TFEB: variants seen among roughly 807,000 people sequenced by gnomAD.
TFEB encodes the protein T-cell transcription factor EB.
TFEB carries 12 observed loss-of-function variants against 48.0 expected under a neutral mutation model. The ratio of observed to expected loss-of-function variants is 0.25; its 90% confidence interval spans 0.16 to 0.40. The LOEUF is 0.40. Among genes scored for constraint, TFEB ranks in the 10% least tolerant of loss-of-function variants. The probability of loss-of-function intolerance (pLI) is 1.00; values close to 1 mark genes in which losing one functional copy is unlikely to be tolerated. For missense variants in TFEB, 509 were observed against 640.3 expected, an observed-to-expected ratio of 0.79 and a Z score of 2.21; for synonymous variants, 244 against 261.4, an observed-to-expected ratio of 0.93 and a Z score of 0.64.
In TFEB at chr6:41,686,660, C is replaced by T. The variant is rs190431218; in HGVS notation, c.804-423G>A. The T allele has an allele frequency of 1.2e-3, 288 of 249,382 alleles. 1 individual carries two copies. The highest frequency in any genetic ancestry group is 5.9e-3 in the African/African-American group (270 of 45,400). 15.4% of individuals were successfully genotyped at this position (249,382 alleles called of 1,614,324 possible). ...CCTCCCTAGTAGCTGGCACTGTAGG[C>T]ACACACCACTGTGCCCAGCTAAGTT... On this transcript the variant is annotated intron_variant, in intron 7 of 8. Transcript: ENST00000373033.
At chr6:41,702,348 G>A (rs1289749984) in intron 1 of TFEB, among the ~76,000 whole-genome samples, 3 of 152,214 alleles carry the variant, frequency 2.0e-5, no homozygotes, top group Non-Finnish European at 4.4e-5. Context: ...GGGGCGGAAG[G>A]GGAGGCTATA....
In TFEB at chr6:41,691,106, CTGCTGCATGTAATGCATGACAGCCTGT is replaced by C; in HGVS notation, c.81_107del (p.Ala29_Gln37del). On this transcript the variant is annotated inframe_deletion, in exon 2 of 9. Coordinates refer to ENST00000373033, the MANE Select transcript of TFEB (RefSeq NM_001271944.2). The surrounding 1 kb of genome is among the most constrained non-coding windows in gnomAD (Gnocchi z 5.2). ...GCTGCTGCTGTTGCTGCTGCTGCTG[CTGCTGCATGTAATGCATGACAGCCTGT>C]TGCTGCATGCGCTCCCGCTGCTCCT... is the stretch of plus-strand genomic sequence containing the variant. The C allele has an allele frequency of 6.3e-7, 1 of 1,581,870 alleles. No individual in the cohort carries two copies. The highest frequency in any genetic ancestry group is 8.6e-7 in the Non-Finnish European group (1 of 1,162,630).
At chr6:41,690,587 G>T (rs891078077) in intron 3 of TFEB, 76 bp downstream of exon 3, 16 of 1,433,480 alleles carry the variant, frequency 1.1e-5, no homozygotes, top group African/African-American at 4.3e-5. Context: ...TCTGCCATTA[G>T]ACTGGGAGTC....
intron 1 of TFEB, among the ~76,000 whole-genome samples, chr6:41,706,232 C>G (rs1034413553): frequency 1.3e-5 from 2 of 152,214 alleles, no homozygotes; most frequent in African/African-American, 4.8e-5. Context: ...AAGTGCCAGA[C>G]AGCTGGAGGG....
chr6:41,719,186 G>C (rs970390792), intron 1 of TFEB, among the ~76,000 whole-genome samples: 1 of 152,146 alleles, frequency 6.6e-6, no homozygotes. Flanking sequence ...TCTAATGCCT[G>C]ATGACCTGTC....
intron 1 of TFEB, among the ~76,000 whole-genome samples, chr6:41,726,603 G>T (rs1771223505): frequency 6.6e-6 from 1 of 152,054 alleles, no homozygotes; most frequent in Non-Finnish European, 1.5e-5. Context: ...ACAACACCTG[G>T]ATAATTTTTG....
chr6:41,718,582 G>A (rs373098211), intron 1 of TFEB, among the ~76,000 whole-genome samples: 5 of 151,864 alleles, frequency 3.3e-5, no homozygotes, highest in South Asian at 4.2e-4. Context: ...TCACCATGCC[G>A]TACAATACAT....
rs376262384 is a variant in TFEB at position 41,709,175 on chromosome 6, G to A, written c.-22-17940C>T. ...TTCAATAACACAGCTATTATGTTCC[G>A]CACTTAGAACTAGGCACTGGTGACA... is the stretch of plus-strand genomic sequence containing the variant. On this transcript the variant is annotated intron_variant, in intron 1 of 8. Transcript: ENST00000373033. Among the ~76,000 whole-genome samples, 10 of 152,162 alleles carry A rather than the reference G, an allele frequency of 6.6e-5. No individual in the cohort carries two copies. In the East Asian group the frequency reaches 7.7e-4, roughly 12 times the overall value.
Position 41,685,037 on chromosome 6 carries a change from G to A in TFEB, c.993C>T (p.Thr331=), listed in dbSNP as rs1231321671. 6.7e-7 allele frequency: 1 copy of A among 1,486,074 alleles called. No homozygotes were observed. The highest frequency in any genetic ancestry group is 1.4e-5 in the South Asian group (1 of 71,384). 92.1% of individuals were successfully genotyped at this position (1,486,074 alleles called of 1,614,324 possible). A position where few individuals can be genotyped will look rare whatever the true frequency, so the allele number is the denominator to read the frequency against. The change falls in exon 9 of 9, where the codon ACC becomes ACT. Residue 331 remains threonine (T), a synonymous_variant. Coordinates refer to ENST00000373033, the MANE Select transcript of TFEB (RefSeq NM_001271944.2). The part of the protein sequence containing the change: ...MQARVHGLPT[T]SPSGMNMAEL... ...CAGCCATGTTCATGCCGGACGGGGAGGTGGTAGGGAGGCCGTGCACTCGAG... is the reference window on the plus strand; with the variant it reads ...CAGCCATGTTCATGCCGGACGGGGAAGTGGTAGGGAGGCCGTGCACTCGAG...
chr6:41,707,925 G>C (rs1400168201), intron 1 of TFEB, among the ~76,000 whole-genome samples: 3 of 152,210 alleles, frequency 2.0e-5, no homozygotes, highest in Admixed American at 2.0e-4. Context: ...AAGGAAGTCA[G>C]AAAAACCACT....
At chr6:41,706,264 G>A (rs1257265065) in intron 1 of TFEB, among the ~76,000 whole-genome samples, 1 of 152,226 alleles carries the variant, frequency 6.6e-6, no homozygotes, top group Non-Finnish European at 1.5e-5. Context: ...TGAGAGCAGG[G>A]AGGTGGGGGG....
chr6:41,705,281 C>A (rs1185530927), intron 1 of TFEB, among the ~76,000 whole-genome samples: 1 of 152,182 alleles, frequency 6.6e-6, no homozygotes, highest in Non-Finnish European at 1.5e-5. Context: ...CTGCCTAAAC[C>A]CCAGCTCCAT....
Position 41,723,577 on chromosome 6 carries a change from C to T in TFEB, c.-23+11773G>A, listed in dbSNP as rs917418722. The T allele has an allele frequency of 1.4e-5, 17 of 1,247,182 alleles. No individual in the cohort carries two copies. The highest frequency in any genetic ancestry group is 2.2e-4 in the Middle Eastern group (1 of 4,472). 77.3% of individuals were successfully genotyped at this position (1,247,182 alleles called of 1,614,324 possible). A position where few individuals can be genotyped will look rare whatever the true frequency, so the allele number is the denominator to read the frequency against. On this transcript the variant is annotated intron_variant, in intron 1 of 8. Coordinates refer to ENST00000373033, the MANE Select transcript of TFEB (RefSeq NM_001271944.2). The surrounding 1 kb of genome is among the most constrained non-coding windows in gnomAD (Gnocchi z 6.0). The stretch of plus-strand genomic sequence containing the variant: ...GGGCTCAGTTTCCTCATTTCCCCGG[C>T]GGCTGCTGTTTCTCACCCAGCCCCC...
At chr6:41,704,774 G>A (rs1009636029) in intron 1 of TFEB, among the ~76,000 whole-genome samples, 5 of 152,234 alleles carry the variant, frequency 3.3e-5, no homozygotes, top group Admixed American at 3.3e-4. Flanking sequence ...CCTGGTGGAA[G>A]CACAGAGCTA....
chr6:41,712,226 C>T (rs1770513661), intron 1 of TFEB, among the ~76,000 whole-genome samples: 1 of 152,198 alleles, frequency 6.6e-6, no homozygotes, highest in Admixed American at 6.5e-5. Context: ...GCACACAGGA[C>T]TCCAAATCCT....
chr6:41,711,586 T>G (rs1248973885), intron 1 of TFEB, among the ~76,000 whole-genome samples: 1 of 152,142 alleles, frequency 6.6e-6, no homozygotes. Context: ...CCTGTCCCTT[T>G]GCTAAGAGCG....
chr6:41,694,058 C>A (rs570160845), intron 1 of TFEB, among the ~76,000 whole-genome samples: 1 of 152,074 alleles, frequency 6.6e-6, no homozygotes, highest in South Asian at 2.1e-4. Flanking sequence ...GTGTGGGCAC[C>A]GGGCCTGGCA....
intron 1 of TFEB, among the ~76,000 whole-genome samples, chr6:41,703,098 C>G (rs1205968255): frequency 2.0e-5 from 3 of 152,218 alleles, no homozygotes; most frequent in Non-Finnish European, 4.4e-5. Context: ...CCATGGCAGC[C>G]TTAGGATCCA....
chr6:41,690,074 G>C (rs1434323815), intron 3 of TFEB, among the ~76,000 whole-genome samples: 2 of 152,088 alleles, frequency 1.3e-5, no homozygotes, highest in Non-Finnish European at 2.9e-5. Context: ...TGGGGAGTGT[G>C]CTGGGCTTTC....
Sources: gnomAD v4.1 joint callset for allele counts (sites outside exome capture counted in the v4.1 genomes callset) on GRCh38, gnomAD v4.1.1 for gene constraint, Gnocchi (gnomAD v3.1) non-coding constraint, MANE v1.5 for transcripts, NCBI Gene and HGNC (gene_info 2026-07-23, HGNC 2026-07-21) for gene names.